Variants in GALNTL6 observed in about 807,000 individuals in gnomAD.
The protein encoded by GALNTL6 is polypeptide N-acetylgalactosaminyltransferase-like 6.
Under a neutral mutation model 73.7 loss-of-function variants are expected in GALNTL6, and 46 were observed. The observed-to-expected ratio is 0.62, with a 90% CI of 0.49 to 0.80. The LOEUF (loss-of-function observed/expected upper bound fraction) is 0.80. GALNTL6 is among the 30% of genes least tolerant of loss of function. The probability of loss-of-function intolerance (pLI) is 0.00; values close to 1 mark genes in which losing one functional copy is unlikely to be tolerated. For missense variants in GALNTL6, 604 were observed against 755.0 expected (o/e 0.80, Z 2.34); for synonymous variants, 259 against 263.7 (o/e 0.98, Z 0.17).
intron 2 of GALNTL6, among the ~76,000 whole-genome samples, chr4:172,184,328 C>T (rs1300312930): frequency 6.6e-6 from 1 of 152,106 alleles, no homozygotes; most frequent in Non-Finnish European, 1.5e-5. Flanking sequence ...TCCCACATCA[C>T]CCTGTGCAAT....
At chr4:172,091,879 A>G (rs529520970) in intron 2 of GALNTL6, among the ~76,000 whole-genome samples, 1 of 152,350 alleles carries the variant, frequency 6.6e-6, no homozygotes, top group Non-Finnish European at 1.5e-5. Flanking sequence ...TTTTAAACAA[A>G]AAAGTCATAA....
At chr4:172,712,132 A>G (rs1030450906) in intron 5 of GALNTL6, among the ~76,000 whole-genome samples, 1 of 152,150 alleles carries the variant, frequency 6.6e-6, no homozygotes, top group South Asian at 2.1e-4. Context: ...GGATGTGTAA[A>G]TGGAACGCCA....
At chr4:171,816,338 A>T (rs1734523234) in intron 2 of GALNTL6, 1 of 151,940 alleles carries the variant, frequency 6.6e-6, no homozygotes, top group South Asian at 2.1e-4. Flanking sequence ...ACCCTTAATG[A>T]GAAAATTGTT....
intron 5 of GALNTL6, among the ~76,000 whole-genome samples, chr4:172,656,575 A>G (rs1307570137): frequency 1.3e-5 from 2 of 152,132 alleles, no homozygotes; most frequent in African/African-American, 4.8e-5. Flanking sequence ...TTCTTTACCC[A>G]TGTATGCAAT....
chr4:171,843,278 C>T (rs1735288706), intron 2 of GALNTL6, among the ~76,000 whole-genome samples: 1 of 151,842 alleles, frequency 6.6e-6, no homozygotes, highest in African/African-American at 2.4e-5. Flanking sequence ...ACACCACAAA[C>T]ATAAAAAAAT....
chr4:172,369,041 G>T (rs1194555008), intron 5 of GALNTL6, among the ~76,000 whole-genome samples: 1 of 152,162 alleles, frequency 6.6e-6, no homozygotes, highest in African/African-American at 2.4e-5. Flanking sequence ...ACCTGAGCAG[G>T]TTGCCACTGC....
At chr4:171,985,963 AGGAGGC>A (rs1740060170) in intron 2 of GALNTL6, among the ~76,000 whole-genome samples, 1 of 135,800 alleles carries the variant, frequency 7.4e-6, no homozygotes, top group African/African-American at 2.8e-5. Context: ...GCTTGAATCC[AGGAGGC>A]GGAGGTTGCA....
chr4:172,136,000 G>C (rs2111027882), intron 2 of GALNTL6, among the ~76,000 whole-genome samples: 1 of 152,188 alleles, frequency 6.6e-6, no homozygotes, highest in South Asian at 2.1e-4. Context: ...AATGCTTTGA[G>C]GACCTATCAA....
intron 3 of GALNTL6, among the ~76,000 whole-genome samples, chr4:172,304,429 A>AAC (rs386402288): frequency 6.6e-6 from 1 of 151,394 alleles, no homozygotes; most frequent in Non-Finnish European, 1.5e-5. Context: ...ATATGGGAAA[A>AAC]AAAAAAGCAA....
intron 8 of GALNTL6, among the ~76,000 whole-genome samples, chr4:172,929,997 C>T (rs1182026650): frequency 6.6e-6 from 1 of 152,084 alleles, no homozygotes; most frequent in Non-Finnish European, 1.5e-5. Context: ...GCATCTAGGG[C>T]CAGGTGCGGT....
At chr4:172,109,575 A>G (rs1197098623) in intron 2 of GALNTL6, among the ~76,000 whole-genome samples, 3 of 152,264 alleles carry the variant, frequency 2.0e-5, no homozygotes, top group Non-Finnish European at 2.9e-5. Context: ...CTCTGTCAAC[A>G]AAAATTTTTG....
chr4:172,518,322 T>C (rs1734672456), intron 5 of GALNTL6, among the ~76,000 whole-genome samples: 1 of 151,988 alleles, frequency 6.6e-6, no homozygotes, highest in Non-Finnish European at 1.5e-5. Context: ...TCTGGATAAA[T>C]AATTTAGCCT....
intron 2 of GALNTL6, among the ~76,000 whole-genome samples, chr4:171,968,800 C>T (rs1254230497): frequency 2.0e-5 from 3 of 149,928 alleles, no homozygotes; most frequent in East Asian, 2.0e-4. Context: ...GTTCCACCTT[C>T]GCAATCGCCC....
chr4:172,088,209 T>C (rs577335692), intron 2 of GALNTL6, among the ~76,000 whole-genome samples: 15 of 152,324 alleles, frequency 9.8e-5, no homozygotes, highest in Admixed American at 1.3e-4. Context: ...ACAGTTTTCT[T>C]GTACAGATCT....
At position 172,313,631 on chromosome 4, in the gene GALNTL6, G is replaced by A. The variant is rs554986269; in HGVS notation, c.386+1879G>A. 2.6e-5 allele frequency among the ~76,000 whole-genome samples: 4 copies of A among 152,182 alleles called. No homozygotes were observed. In the South Asian group the frequency reaches 8.3e-4, roughly 31 times the overall value. The stretch of plus-strand genomic sequence containing the variant: ...AATGGAAAGATGTAAAAAAAATTCT[G>A]AAATTTTTATTAGGGTTACTCAATT... On this transcript the variant is annotated intron_variant, in intron 4 of 12. Coordinates refer to ENST00000506823, the MANE Select transcript of GALNTL6 (RefSeq NM_001034845.3).
At chr4:172,608,640 TG>T (rs1738400734) in intron 5 of GALNTL6, among the ~76,000 whole-genome samples, 1 of 152,152 alleles carries the variant, frequency 6.6e-6, no homozygotes, top group Non-Finnish European at 1.5e-5. Flanking sequence ...TGGTTTTATA[TG>T]AATTTTGGAA....
intron 5 of GALNTL6, among the ~76,000 whole-genome samples, chr4:172,605,266 C>T (rs2111033493): frequency 6.6e-6 from 1 of 152,194 alleles, no homozygotes; most frequent in East Asian, 1.9e-4. Context: ...GGATTTCATC[C>T]CTCTACGATT....
At chr4:172,467,324 A>T (rs1732859326) in intron 5 of GALNTL6, among the ~76,000 whole-genome samples, 1 of 152,180 alleles carries the variant, frequency 6.6e-6, no homozygotes, top group Admixed American at 6.5e-5. Flanking sequence ...AAACACCACC[A>T]TTTGTTTAGC....
chr4:172,358,301 C>A (rs1305954661), intron 5 of GALNTL6, among the ~76,000 whole-genome samples: 1 of 152,120 alleles, frequency 6.6e-6, no homozygotes, highest in Non-Finnish European at 1.5e-5. Flanking sequence ...AAAGGTATCA[C>A]CAAACTAGAA....
Sources: gnomAD v4.1 joint callset for allele counts (sites outside exome capture counted in the v4.1 genomes callset) on GRCh38, gnomAD v4.1.1 for gene constraint, MANE v1.5 for transcripts, NCBI Gene and HGNC (gene_info 2026-07-23, HGNC 2026-07-21) for gene names.